Variants in IDS observed in about 807,000 individuals in gnomAD.
The protein encoded by IDS is iduronate 2-sulfatase.
A neutral mutation model predicts 33.5 loss-of-function variants in IDS; 1 was observed. The ratio of observed to expected loss-of-function variants is 0.03; its 90% CI spans 0.01 to 0.14. IDS has a LOEUF of 0.14. IDS is among the 10% of genes least tolerant of loss of function. The pLI is 1.00. For missense variants in IDS, 328 were observed against 448.0 expected, an observed-to-expected ratio of 0.73 and a Z score of 2.42; for synonymous variants, 191 against 184.4, an observed-to-expected ratio of 1.04 and a Z score of -0.29.
chrX:149,491,667 C>T (rs1557338746), intron 6 of IDS: 1 of 998,512 alleles, frequency 1.0e-6, no homozygotes, highest in East Asian at 6.3e-5. Context: ...CTTTGGTCCT[C>T]CTGGGGATGA....
At chrX:149,498,063 A>G (rs375741272) in intron 5 of IDS, 44 bp downstream of exon 5, 92 of 1,089,470 alleles carry the variant, frequency 8.4e-5, no homozygotes, top group Non-Finnish European at 1.1e-4. Context: ...CAAACAACAC[A>G]GCTGTCACAG....
intron 8 of IDS, among the ~76,000 whole-genome samples, chrX:149,485,772 C>A (rs2089330891): frequency 8.9e-6 from 1 of 112,154 alleles, no homozygotes; most frequent in Non-Finnish European, 1.9e-5. Flanking sequence ...TCTTTCCCAG[C>A]AAACAAAGGG....
chrX:149,498,608 A>T (rs1417075426), intron 4 of IDS, among the ~76,000 whole-genome samples: 6 of 113,004 alleles, frequency 5.3e-5, no homozygotes, highest in African/African-American at 9.6e-5. Flanking sequence ...TTCAACAATT[A>T]AAAAATGCCA....
At chrX:149,492,039 A>G (rs150886805) in intron 6 of IDS, among the ~76,000 whole-genome samples, 1,584 of 112,240 alleles carry the variant, frequency 0.014, 29 homozygotes, top group African/African-American at 0.048. Flanking sequence ...GGTAATTAAC[A>G]TTTATTGTTC....
chrX:149,496,728 C>A (rs1404228241), intron 5 of IDS, among the ~76,000 whole-genome samples: 1 of 112,179 alleles, frequency 8.9e-6, no homozygotes, highest in African/African-American at 3.2e-5. Flanking sequence ...CATACGACTT[C>A]TGTTTCCTAC....
intron 5 of IDS, among the ~76,000 whole-genome samples, 173 bp downstream of exon 5, chrX:149,497,934 T>C (rs1051176504): frequency 1.8e-5 from 2 of 112,583 alleles, no homozygotes; most frequent in African/African-American, 6.5e-5. Flanking sequence ...TACATGTTCT[T>C]GGCCTTGACC....
chrX:149,503,665 C>T (rs1372867476), intron 2 of IDS, among the ~76,000 whole-genome samples, 176 bp from the exon 3 acceptor site: 1 of 111,804 alleles, frequency 8.9e-6, no homozygotes, highest in Admixed American at 9.4e-5. Context: ...AGACTGCTTC[C>T]GGGAGAGAAA....
chrX:149,494,590 G>A (rs1366750905), intron 6 of IDS, among the ~76,000 whole-genome samples: 1 of 111,480 alleles, frequency 9.0e-6, no homozygotes, highest in African/African-American at 3.3e-5. Context: ...CAGAGTTCAA[G>A]GGGAACACAG....
chrX:149,496,206 A>C (rs1174879294), intron 6 of IDS, 140 bp downstream of exon 6: 4 of 595,318 alleles, frequency 6.7e-6, no homozygotes, highest in African/African-American at 6.6e-5. Context: ...CCTCCACCCC[A>C]GCACTTTGCC....
At chrX:149,493,664 A>T (rs2089412165) in intron 6 of IDS, among the ~76,000 whole-genome samples, 1 of 110,888 alleles carries the variant, frequency 9.0e-6, no homozygotes, top group South Asian at 3.9e-4. Flanking sequence ...TGGGGAGTTG[A>T]GGGAAGAGGC....
intron 7 of IDS, among the ~76,000 whole-genome samples, chrX:149,488,684 A>G (rs1407698719): frequency 9.1e-6 from 1 of 110,255 alleles, no homozygotes; most frequent in Non-Finnish European, 1.9e-5. Flanking sequence ...GCCTGACTGC[A>G]AGATCGTATT....
intron 3 of IDS, 124 bp downstream of exon 3, chrX:149,503,188 G>A: frequency 8.6e-7 from 1 of 1,169,240 alleles, no homozygotes; most frequent in East Asian, 3.2e-5. Flanking sequence ...AGGAAGCACT[G>A]ACTAGCGAGG....
chrX:149,486,378 G>C (rs1261038262), intron 8 of IDS, among the ~76,000 whole-genome samples: 3 of 111,668 alleles, frequency 2.7e-5, no homozygotes, highest in Non-Finnish European at 5.7e-5. Flanking sequence ...TCAAAGCTTT[G>C]AAGGACTGGC....
chrX:149,486,382 GACT>G (rs2089335726), intron 8 of IDS, among the ~76,000 whole-genome samples: 3 of 111,661 alleles, frequency 2.7e-5, no homozygotes, highest in Non-Finnish European at 5.6e-5. Flanking sequence ...AGCTTTGAAG[GACT>G]GGCACATGGA....
intron 4 of IDS, 104 bp from the exon 5 acceptor site, chrX:149,498,411 G>A: frequency 1.6e-6 from 1 of 636,198 alleles, no homozygotes; most frequent in Non-Finnish European, 2.5e-6. Context: ...CCCTTCACGT[G>A]TTAGTCACTC....
At chrX:149,491,679 A>G (rs782781429) in intron 6 of IDS, 2 of 993,765 alleles carry the variant, frequency 2.0e-6, no homozygotes. Flanking sequence ...TGGGGATGAA[A>G]GACACCTGTC....
At chrX:149,492,238 G>C (rs2089399288) in intron 6 of IDS, among the ~76,000 whole-genome samples, 1 of 111,784 alleles carries the variant, frequency 8.9e-6, no homozygotes, top group African/African-American at 3.3e-5. Flanking sequence ...CAGAAGGTTT[G>C]CATCCTTTCC....
chrX:149,482,678 A>G lies in IDS; in HGVS notation c.*68T>C. On this transcript the variant is annotated 3_prime_UTR_variant, in exon 9 of 9. Transcript: ENST00000340855. The stretch of plus-strand genomic sequence containing the variant: ...TATTATGGGTAATCACAAAACGACC[A>G]GCTCTAACTCCTCCTCTCACCAGCT... 8.3e-7 allele frequency: 1 copy of G among 1,204,139 alleles called. No individual in the cohort carries two copies. The highest frequency in any genetic ancestry group is 1.1e-6 in the Non-Finnish European group (1 of 892,520).
chrX:149,501,098 A>C, intron 3 of IDS, 61 bp from the exon 4 acceptor site: 1 of 723,643 alleles, frequency 1.4e-6, no homozygotes, highest in Non-Finnish European at 2.2e-6. Flanking sequence ...ACTCCCCATA[A>C]TTAAAACTCT....
Sources: allele counts gnomAD v4.1 joint callset (sites outside exome capture counted in the v4.1 genomes callset), GRCh38; gene constraint gnomAD v4.1.1; transcripts MANE v1.5; gene names NCBI Gene and HGNC (gene_info 2026-07-23, HGNC 2026-07-21).